Variants in RNF213 observed in about 807,000 individuals in gnomAD.
RNF213 encodes E3 ubiquitin-protein ligase RNF213.
Under a neutral mutation model 514.4 loss-of-function variants are expected in RNF213, and 341 were observed. The observed-to-expected ratio is 0.66, with a 90% CI of 0.61 to 0.73. The LOEUF is 0.73. RNF213 is among the 30% of genes least tolerant of loss of function. RNF213 has a pLI of 0.00. For missense variants in RNF213, 5,767 were observed against 6,615.6 expected, an observed-to-expected ratio of 0.87 and a Z score of 4.45; for synonymous variants, 2,655 against 2,658.2, an observed-to-expected ratio of 1.00 and a Z score of 0.04.
intron 29 of RNF213, among the ~76,000 whole-genome samples, chr17:80,348,745 G>A (rs906942857): frequency 1.5e-4 from 23 of 152,222 alleles, no homozygotes; most frequent in African/African-American, 4.3e-4. Flanking sequence ...GAAGCCCCTC[G>A]CCGATGGGGA....
intron 38 of RNF213, among the ~76,000 whole-genome samples, chr17:80,360,788 C>T (rs2079026357): frequency 6.6e-6 from 1 of 152,226 alleles, no homozygotes; most frequent in African/African-American, 2.4e-5. Flanking sequence ...AGCCATCTTT[C>T]ATACATGCAA....
rs542786177 is a variant in RNF213, at chr17:80,321,161, C to A, written c.3024+1849C>A. On this transcript the variant is annotated intron_variant, in intron 17 of 67. Coordinates refer to ENST00000582970, the MANE Select transcript of RNF213 (RefSeq NM_001256071.3). ...CTTCCAGATGGGACCCAGAGTCTAA[C>A]CACAAAATTCACTTGTTTCATATAC... The A allele has an allele frequency of 3.3e-5, 5 of 152,288 alleles. No homozygotes were observed. The East Asian group carries it at 9.6e-4, about 29-fold the overall frequency. The allele number at this position is 152,288 out of a possible 1,614,324, so 9.4% of individuals were successfully genotyped here.
In RNF213 at chr17:80,344,694, A is replaced by C; in HGVS notation, c.6359A>C (p.Gln2120Pro). 6.2e-7 allele frequency: 1 copy of C among 1,614,148 alleles called. No homozygotes were observed. The highest frequency in any genetic ancestry group is 1.3e-5 in the African/African-American group (1 of 75,014). ...SSSALRTRVP[Q>P]FSFLDIFPKV... The stretch of plus-strand genomic sequence containing the variant: ...CCTTTCCAGCGTACACGTGTACCCC[A>C]GTTCAGTTTTCTTGACATCTTCCCA... The change falls in exon 29 of 68, where the codon CAG becomes CCG. Residue 2120 changes from glutamine (Q) to proline (P), a missense_variant. By Grantham distance (76) the Gln-to-Pro change is moderately conservative. Around this residue, in one of 13 missense-constraint regions of RNF213, gnomAD observed 1,377 missense variants for 1,635.2 expected, o/e 0.84. Transcript: ENST00000582970.
chr17:80,351,543 A>C (rs978698219), intron 31 of RNF213, 142 bp from the exon 32 acceptor site: 9 of 611,854 alleles, frequency 1.5e-5, no homozygotes, highest in Non-Finnish European at 2.7e-5. Flanking sequence ...TGTAAAACTC[A>C]TCGGAACGGG....
rs574477244 is a variant in RNF213, at chr17:80,312,372, C to T, written c.2656-640C>T. 4.6e-5 allele frequency among the ~76,000 whole-genome samples: 7 copies of T among 151,700 alleles called. No homozygotes were observed. The South Asian group carries it at 8.4e-4, about 18-fold the overall frequency. On this transcript the variant is annotated intron_variant, in intron 14 of 67. Transcript: ENST00000582970. The stretch of plus-strand genomic sequence containing the variant: ...GGTTTTCCCTCTGGTCTGGTGGGTC[C>T]GGCACGGAGGCGGGGGGAGAGCATG...
In RNF213 at chr17:80,288,907, G is replaced by A. The variant is rs952165124; in HGVS notation, c.933+152G>A. 2.9e-5 allele frequency: 40 copies of A among 1,386,726 alleles called. No individual in the cohort carries two copies. The highest frequency in any genetic ancestry group is 1.8e-4 in the Admixed American group (9 of 50,194). The allele number at this position is 1,386,726 out of a possible 1,614,324, so 85.9% of individuals were successfully genotyped here. A position where few individuals can be genotyped will look rare whatever the true frequency, so the allele number is the denominator to read the frequency against. On this transcript the variant is annotated intron_variant, in intron 5 of 67. Coordinates refer to ENST00000582970, the MANE Select transcript of RNF213 (RefSeq NM_001256071.3). This position sits in a 1 kb window ranked among gnomAD's most constrained non-coding sequence, Gnocchi z 4.9. Reference sequence around the variant, plus strand: ...GCCTTCGGGGTGCTCACATTCCAGCGGAGAGAGAGTCAGGAAACCGACTTC... The same window carrying A: ...GCCTTCGGGGTGCTCACATTCCAGCAGAGAGAGAGTCAGGAAACCGACTTC...
Position 80,332,779 on chromosome 17 carries a change from G to C in RNF213, c.4143+148G>C. ...CCTGTGTGTGTGGTACTTGAGGCCT[G>C]AATATCCCAAGGGCTTTGTTTTTAC... On this transcript the variant is annotated intron_variant, in intron 21 of 67. Coordinates refer to ENST00000582970, the MANE Select transcript of RNF213 (RefSeq NM_001256071.3). 6.6e-6 allele frequency: 6 copies of C among 913,310 alleles called. No homozygotes were observed. In the South Asian group the frequency reaches 1.2e-4, roughly 18 times the overall value. 56.6% of individuals were successfully genotyped at this position (913,310 alleles called of 1,614,324 possible). A position where few individuals can be genotyped will look rare whatever the true frequency, so the allele number is the denominator to read the frequency against.
At chr17:80,326,216 C>T (rs1463107704) in intron 18 of RNF213, among the ~76,000 whole-genome samples, 2 of 152,128 alleles carry the variant, frequency 1.3e-5, no homozygotes, top group East Asian at 1.9e-4. Flanking sequence ...CGCTGACCTC[C>T]CGGGCTCACG....
rs2078215107 is a variant in RNF213 at position 80,343,318 on chromosome 17, C to A, written c.6176C>A (p.Thr2059Asn). ...KVPVLFHLDV[T>N]SSVQTGIWVF... ...CCCGTGCTCTTTCACCTGGACGTGACCTCCTCAGTAAGTGCCCTCCAGCGT... is the reference window on the plus strand; with the variant it reads ...CCCGTGCTCTTTCACCTGGACGTGAACTCCTCAGTAAGTGCCCTCCAGCGT... Residue 2059 changes from threonine to asparagine, a missense_variant, in exon 27 of 68, where the codon ACC becomes AAC. Thr to Asn is a moderately conservative substitution (Grantham distance 65, BLOSUM62 0). Around this residue, in one of 13 missense-constraint regions of RNF213, gnomAD observed 1,377 missense variants for 1,635.2 expected, o/e 0.84. Coordinates refer to ENST00000582970, the MANE Select transcript of RNF213 (RefSeq NM_001256071.3). This position sits in a 1 kb window ranked among gnomAD's most constrained non-coding sequence, Gnocchi z 4.3. 3 of 1,611,672 alleles carry A rather than the reference C, an allele frequency of 1.9e-6. No homozygotes were observed. The highest frequency in any genetic ancestry group is 1.3e-5 in the African/African-American group (1 of 74,828).
intron 57 of RNF213, chr17:80,382,331 ATTTTCT>A (rs2080044652): frequency 6.4e-6 from 1 of 155,566 alleles, no homozygotes; most frequent in African/African-American, 2.4e-5. Context: ...ATTAAGAGTG[ATTTTCT>A]TTTGCTAATC....
intron 42 of RNF213, chr17:80,365,110 A>C (rs2079208472): frequency 5.9e-6 from 1 of 170,838 alleles, no homozygotes; most frequent in African/African-American, 2.4e-5. Context: ...GTGGCCACGC[A>C]GTGGTGTCCA....
Position 80,332,084 on chromosome 17 carries a change from T to C in RNF213, c.3596T>C (p.Leu1199Pro). ...TTAAATGACACCGTGACAGTGAGAC[T>C]GTCCACCTCCTCGAACTCGCAGAGG... The part of the protein sequence containing the change: ...KRLNDTVTVR[L>P]STSSNSQRAT... Residue 1199 changes from leucine to proline, a missense_variant, in exon 21 of 68, where the codon CTG becomes CCG. Leu to Pro is a moderately conservative substitution (Grantham distance 98, BLOSUM62 -3). Around this residue, in one of 13 missense-constraint regions of RNF213, gnomAD observed 516 missense variants for 566.5 expected, o/e 0.91. Coordinates refer to ENST00000582970, the MANE Select transcript of RNF213 (RefSeq NM_001256071.3). 6.5e-7 allele frequency: 1 copy of C among 1,537,224 alleles called. No individual in the cohort carries two copies. Among genetic ancestry groups the C allele is most frequent in the Non-Finnish European group, 8.7e-7 (1 of 1,146,918 alleles).
intron 37 of RNF213, 110 bp downstream of exon 37, chr17:80,358,589 C>G (rs764201378): frequency 2.0e-6 from 2 of 988,200 alleles, no homozygotes; most frequent in Non-Finnish European, 3.2e-6. Flanking sequence ...TTCAGAGCAA[C>G]GTTGACATGG....
intron 12 of RNF213, 45 bp from the exon 13 acceptor site, chr17:80,307,083 G>A: frequency 1.3e-6 from 2 of 1,581,466 alleles, no homozygotes; most frequent in Non-Finnish European, 1.7e-6. Context: ...CAGTGGCATT[G>A]TGATTCAATC....
At chr17:80,307,706 C>T (rs1228640074) in intron 13 of RNF213, among the ~76,000 whole-genome samples, 8 of 152,104 alleles carry the variant, frequency 5.3e-5, no homozygotes, top group East Asian at 3.9e-4. Flanking sequence ...CATGCCACCA[C>T]GCCTGGCTAA....
chr17:80,380,865 C>T lies in RNF213; in HGVS notation c.13675C>T (p.Leu4559=). The change falls in exon 56 of 68, where the codon CTG becomes TTG. Residue 4559 remains leucine, a synonymous_variant. Transcript: ENST00000582970. ...KADRTQTGHV[L]GNPQRRDVVT... ...AGACAGAACGCAGACCGGCCACGTG[C>T]TGGGCAACCCGCAGCGGAGAGACGT... The T allele has an allele frequency of 1.2e-6, 2 of 1,614,186 alleles. No individual in the cohort carries two copies. Among genetic ancestry groups the T allele is most frequent in the Non-Finnish European group, 1.7e-6 (2 of 1,180,022 alleles).
In RNF213 at chr17:80,291,635, G is replaced by C; in HGVS notation, c.1279G>C (p.Gly427Arg). 6.2e-7 allele frequency: 1 copy of C among 1,614,080 alleles called. No individual in the cohort carries two copies. The highest frequency in any genetic ancestry group is 2.2e-5 in the East Asian group (1 of 44,884). Residue 427 changes from glycine to arginine, a missense_variant, in exon 8 of 68, where the codon GGT becomes CGT. Around this residue, in one of 13 missense-constraint regions of RNF213, gnomAD observed 592 missense variants for 673.9 expected, o/e 0.88. Coordinates refer to ENST00000582970, the MANE Select transcript of RNF213 (RefSeq NM_001256071.3). ...ICELHYTRDL[G>R]HDRVLVEGIV... ...TATCCTGTTCATTCACAGAGACTTG[G>C]GTCATGACCGCGTTCTTGTTGAAGG...
chr17:80,340,355 T>C lies in RNF213; in HGVS notation c.5988T>C (p.Val1996=). Residue 1996 remains valine, a splice_region_variant and synonymous_variant, in exon 26 of 68, where the codon GTT becomes GTC. Coordinates refer to ENST00000582970, the MANE Select transcript of RNF213 (RefSeq NM_001256071.3). ...TCGTGGCCTCGGAGCGAGCAGGTGT[T>C]GGTAAGGAGAGCGGCAGGGTGGGCA... The part of the protein sequence containing the change: ...VGIVASERAG[V]GKSLYVKRLH... 1 of 1,609,846 alleles carries C rather than the reference T, an allele frequency of 6.2e-7. No homozygotes were observed. Among genetic ancestry groups the C allele is most frequent in the Non-Finnish European group, 8.5e-7 (1 of 1,179,350 alleles).
At chr17:80,390,936 C>T (rs1475573203) in intron 67 of RNF213, among the ~76,000 whole-genome samples, 4 of 152,006 alleles carry the variant, frequency 2.6e-5, no homozygotes, top group Non-Finnish European at 5.9e-5. Flanking sequence ...GTGGTACACA[C>T]CTGCAGTCCC....
Sources: gnomAD v4.1 joint callset for allele counts (sites outside exome capture counted in the v4.1 genomes callset) on GRCh38, gnomAD v4.1.1 for gene constraint, gnomAD v4.1.1 regional missense constraint, Gnocchi (gnomAD v3.1) non-coding constraint, MANE v1.5 for transcripts, NCBI Gene and HGNC (gene_info 2026-07-23, HGNC 2026-07-21) for gene names.